Variants in FAM169A observed in about 807,000 individuals in gnomAD.
FAM169A encodes soluble lamin-associated protein of 75 kDa.
Under a neutral mutation model 75.7 loss-of-function variants are expected in FAM169A, and 24 were observed. That is an observed-to-expected ratio of 0.32 (90% CI 0.23 to 0.45). The LOEUF is 0.45. FAM169A is among the 20% of genes least tolerant of loss of function. FAM169A has a pLI of 1.00. For synonymous variants in FAM169A, 271 were observed against 271.0 expected (o/e 1.00, Z 0.00); for missense variants, 673 against 784.0 (o/e 0.86, Z 1.69).
At chr5:74,866,071 G>T in intron 1 of FAM169A, 94 bp downstream of exon 1, 1 of 627,824 alleles carries the variant, frequency 1.6e-6, no homozygotes, top group Non-Finnish European at 2.0e-6. Flanking sequence ...GCCGCTCGGT[G>T]TCCGCGGGTC....
chr5:74,844,220 GC>G (rs1749030237), intron 1 of FAM169A, among the ~76,000 whole-genome samples: 2 of 152,272 alleles, frequency 1.3e-5, no homozygotes, highest in South Asian at 4.1e-4. Flanking sequence ...ACTTTGGGAG[GC>G]CAAGGAGGGT....
rs572434248 is a variant in FAM169A at position 74,810,097 on chromosome 5, T to C, written c.670+3743A>G. ...AAATGTCTATCAACAGGCAAATAAA[T>C]TGTGGTATAATCAAAGGGAGGAATA... On this transcript the variant is annotated intron_variant, in intron 6 of 12. Coordinates refer to ENST00000687041, the MANE Select transcript of FAM169A (RefSeq NM_001376049.1). 4.6e-5 allele frequency among the ~76,000 whole-genome samples: 7 copies of C among 152,158 alleles called. No individual in the cohort carries two copies. The South Asian group carries it at 6.2e-4, about 14-fold the overall frequency.
chr5:74,782,948 C>T lies in FAM169A; in HGVS notation c.1447G>A (p.Val483Ile), dbSNP rs777512485. 6.2e-7 allele frequency: 1 copy of T among 1,613,094 alleles called. No individual in the cohort carries two copies. The highest frequency in any genetic ancestry group is 8.5e-7 in the Non-Finnish European group (1 of 1,179,224). The part of the protein sequence containing the change: ...LVVESSKPPE[V>I]DAPDKTPRIP... ...CCCCTTACCTTATCTGGTGCATCTA[C>T]CTCAGGGGGTTTTGAAGATTCTACC... The change falls in exon 12 of 13, where the codon GTA (valine) becomes ATA (isoleucine). Residue 483 changes from valine (V) to isoleucine (I), a missense_variant. Val to Ile is a conservative substitution (Grantham distance 29). Around this residue, in one of 3 missense-constraint regions of FAM169A, gnomAD observed 510 missense variants for 550.9 expected, o/e 0.93. Transcript: ENST00000687041.
At chr5:74,865,243 G>A (rs1750255430) in intron 1 of FAM169A, 1 of 152,206 alleles carries the variant, frequency 6.6e-6, no homozygotes, top group Admixed American at 6.5e-5. Context: ...TCACAGTTCT[G>A]TGAGAATCAC....
At chr5:74,831,178 A>G (rs2112638589) in intron 5 of FAM169A, among the ~76,000 whole-genome samples, 1 of 152,286 alleles carries the variant, frequency 6.6e-6, no homozygotes, top group Middle Eastern at 3.4e-3. Flanking sequence ...GGTCAAGCCT[A>G]ATTCCCTTAT....
intron 11 of FAM169A, among the ~76,000 whole-genome samples, chr5:74,785,622 G>A (rs1312646069): frequency 6.6e-6 from 1 of 152,116 alleles, no homozygotes; most frequent in Admixed American, 6.6e-5. Flanking sequence ...AAATTAGCCT[G>A]GCATGGTGGC....
At chr5:74,839,316 G>A (rs986092916) in intron 3 of FAM169A, among the ~76,000 whole-genome samples, 6 of 151,924 alleles carry the variant, frequency 3.9e-5, no homozygotes, top group Non-Finnish European at 7.4e-5. Flanking sequence ...CTGGTGAGAG[G>A]TGATTCGATC....
chr5:74,835,240 A>G (rs567817948), intron 4 of FAM169A, among the ~76,000 whole-genome samples: 20 of 152,260 alleles, frequency 1.3e-4, no homozygotes, highest in African/African-American at 4.6e-4. Context: ...CACTTCCTAC[A>G]CACAGGGCTA....
chr5:74,857,571 GGAAAAAAAAAAAAAAAAAAA>G (rs1282412633), intron 1 of FAM169A, among the ~76,000 whole-genome samples: 4 of 65,746 alleles, frequency 6.1e-5, no homozygotes, highest in Non-Finnish European at 1.2e-4. Context: ...CCTTGCCGCG[GGAAAAAAAAAAAAAAAAAAA>G]AAAAAAAAAA....
At chr5:74,809,689 CTTTTTTAGGG>C (rs1323838889) in intron 6 of FAM169A, among the ~76,000 whole-genome samples, 5 of 152,126 alleles carry the variant, frequency 3.3e-5, no homozygotes, top group Non-Finnish European at 2.9e-5. Context: ...TTGTTCTACC[CTTTTTTAGGG>C]TAGATGATTA....
At chr5:74,814,506 T>C (rs1580117563) in intron 5 of FAM169A, among the ~76,000 whole-genome samples, 1 of 152,178 alleles carries the variant, frequency 6.6e-6, no homozygotes, top group Admixed American at 6.5e-5. Context: ...ACGAGTACCA[T>C]TTCATTTTTA....
chr5:74,796,876 T>C (rs1746305289), intron 10 of FAM169A, among the ~76,000 whole-genome samples: 1 of 152,178 alleles, frequency 6.6e-6, no homozygotes, highest in African/African-American at 2.4e-5. Flanking sequence ...CTCAAAAATG[T>C]CACCTTGGAC....
chr5:74,840,268 G>A (rs1023020827), intron 2 of FAM169A, 95 bp from the exon 3 acceptor site: 12 of 509,122 alleles, frequency 2.4e-5, no homozygotes, highest in African/African-American at 8.0e-5. Flanking sequence ...TATTTCCTAC[G>A]TTAATTTTAA....
At chr5:74,819,246 T>C (rs1747648955) in intron 5 of FAM169A, among the ~76,000 whole-genome samples, 1 of 151,150 alleles carries the variant, frequency 6.6e-6, no homozygotes, top group Non-Finnish European at 1.5e-5. Flanking sequence ...GGCAAATTAT[T>C]TGAAATATTT....
intron 1 of FAM169A, among the ~76,000 whole-genome samples, chr5:74,856,083 G>T (rs1354267858): frequency 6.6e-6 from 1 of 152,188 alleles, no homozygotes; most frequent in East Asian, 1.9e-4. Context: ...TCAAAAATGA[G>T]TTCACTGTAG....
At chr5:74,811,111 G>A (rs1747172102) in intron 6 of FAM169A, among the ~76,000 whole-genome samples, 1 of 151,448 alleles carries the variant, frequency 6.6e-6, no homozygotes, top group Non-Finnish European at 1.5e-5. Context: ...AGCCTTCTGA[G>A]TAGCTGGGAT....
In FAM169A at chr5:74,795,975, G is replaced by A; in HGVS notation, c.1260+55C>T. 7.1e-6 allele frequency: 11 copies of A among 1,551,360 alleles called. No homozygotes were observed. In the South Asian group the frequency reaches 1.1e-4, roughly 15 times the overall value. On this transcript the variant is annotated intron_variant, in intron 11 of 12. Coordinates refer to ENST00000687041, the MANE Select transcript of FAM169A (RefSeq NM_001376049.1). ...TACTTTTCTAACAACATGTGATTAA[G>A]AAAGGTAAAATTTAGTTTACTTTTT...
upstream of FAM169A, chr5:74,866,672 C>T: frequency 3.3e-6 from 3 of 899,166 alleles, no homozygotes; most frequent in Non-Finnish European, 4.0e-6. Context: ...AAAGAGTGAC[C>T]TTGGCTTAGA....
chr5:74,850,293 GTA>G (rs1749375629), intron 1 of FAM169A, among the ~76,000 whole-genome samples: 2 of 152,134 alleles, frequency 1.3e-5, no homozygotes, highest in Non-Finnish European at 2.9e-5. Flanking sequence ...CATCACATTG[GTA>G]TGTCTGAAAG....
Sources: allele counts gnomAD v4.1 joint callset (sites outside exome capture counted in the v4.1 genomes callset), GRCh38; gene constraint gnomAD v4.1.1; regional missense constraint gnomAD v4.1.1; transcripts MANE v1.5; gene names NCBI Gene and HGNC (gene_info 2026-07-23, HGNC 2026-07-21).